The following EIF4G3 variants were observed in gnomAD, a reference collection of about 807,000 sequenced individuals.
EIF4G3 encodes the protein eukaryotic translation initiation factor 4 gamma 3.
A neutral mutation model predicts 186.4 loss-of-function variants in EIF4G3; 34 were observed. The ratio of observed to expected loss-of-function variants is 0.18; its 90% CI spans 0.14 to 0.24. The LOEUF is 0.24. EIF4G3 is among the 10% of genes least tolerant of loss of function. The pLI is 1.00. For missense variants in EIF4G3, 1,536 were observed against 1,948.5 expected, an observed-to-expected ratio of 0.79 and a Z score of 3.99; for synonymous variants, 673 against 679.5, an observed-to-expected ratio of 0.99 and a Z score of 0.15.
At chr1:21,082,866 G>A (rs560078297) in intron 3 of EIF4G3, among the ~76,000 whole-genome samples, 3 of 151,154 alleles carry the variant, frequency 2.0e-5, no homozygotes, top group East Asian at 2.0e-4. Flanking sequence ...GTGAAACCCC[G>A]TTTCTACTAA....
intron 2 of EIF4G3, among the ~76,000 whole-genome samples, chr1:21,106,285 A>C (rs2096616357): frequency 6.6e-6 from 1 of 152,084 alleles, no homozygotes; most frequent in African/African-American, 2.4e-5. Context: ...AAACCTGAGA[A>C]GGGTAAGAGA....
At position 20,943,212 on chromosome 1, in the gene EIF4G3, CAATT is replaced by C. The variant is rs553903294; in HGVS notation, c.824-886_824-883del. 3.4e-3 allele frequency among the ~76,000 whole-genome samples: 509 copies of C among 151,714 alleles called. 1 individual carries two copies. The highest frequency in any genetic ancestry group is 0.012 in the African/African-American group (490 of 41,384). ...ATATCTTGTGTCTTTACATGTAAAA[CAATT>C]AAGGAGAAAACAAAGTTAATACACG... On this transcript the variant is annotated intron_variant, in intron 13 of 36. Transcript: ENST00000602326.
At chr1:20,825,893 A>T (rs2063488282) in intron 32 of EIF4G3, among the ~76,000 whole-genome samples, 2 of 152,222 alleles carry the variant, frequency 1.3e-5, no homozygotes, top group African/African-American at 2.4e-5. Context: ...GTTGTCAGGT[A>T]GAAAAAAGTG....
chr1:20,877,129 A>G (rs907612213), intron 20 of EIF4G3, among the ~76,000 whole-genome samples: 3 of 152,216 alleles, frequency 2.0e-5, no homozygotes, highest in African/African-American at 4.8e-5. Context: ...TCACTCCTCC[A>G]TTAAACTACC....
At chr1:20,934,080 T>TA (rs1283194875) in intron 14 of EIF4G3, among the ~76,000 whole-genome samples, 6 of 152,236 alleles carry the variant, frequency 3.9e-5, no homozygotes, top group Middle Eastern at 3.4e-3. Context: ...GAATGCTAGC[T>TA]AACAAGGGTG....
At chr1:20,877,048 T>C (rs1017252198) in intron 20 of EIF4G3, among the ~76,000 whole-genome samples, 2 of 152,230 alleles carry the variant, frequency 1.3e-5, no homozygotes, top group African/African-American at 4.8e-5. Context: ...GTGGCTTGTC[T>C]ATAATTTCTT....
chr1:21,009,460 G>A (rs1057135803), intron 4 of EIF4G3, among the ~76,000 whole-genome samples: 1 of 151,148 alleles, frequency 6.6e-6, no homozygotes, highest in East Asian at 2.0e-4. Context: ...GGATTATAGG[G>A]GTGAGCCACC....
At chr1:20,938,806 C>G (rs575711920) in intron 14 of EIF4G3, among the ~76,000 whole-genome samples, 2 of 152,220 alleles carry the variant, frequency 1.3e-5, no homozygotes, top group Admixed American at 1.3e-4. Context: ...GCTTCTGAGG[C>G]TTTATAATTT....
At chr1:21,050,134 G>C (rs1334686170) in intron 4 of EIF4G3, among the ~76,000 whole-genome samples, 1 of 152,162 alleles carries the variant, frequency 6.6e-6, no homozygotes, top group Admixed American at 6.5e-5. Context: ...CACACAGTTA[G>C]ATCAACGTTA....
intron 2 of EIF4G3, among the ~76,000 whole-genome samples, chr1:21,160,192 T>C (rs2097739179): frequency 6.6e-6 from 1 of 151,018 alleles, no homozygotes; most frequent in African/African-American, 2.4e-5. Context: ...GCTAGAACAA[T>C]CTGAGTAAGA....
At chr1:21,174,849 T>C (rs1573833818) in intron 2 of EIF4G3, 1 of 152,306 alleles carries the variant, frequency 6.6e-6, no homozygotes, top group East Asian at 1.9e-4. Flanking sequence ...ATCTTTACAC[T>C]GCACCGCGGT....
intron 2 of EIF4G3, among the ~76,000 whole-genome samples, chr1:21,120,646 T>C (rs1295374040): frequency 6.7e-6 from 1 of 149,406 alleles, no homozygotes; most frequent in Non-Finnish European, 1.5e-5. Context: ...AAATCTAACA[T>C]ACTATTATAC....
chr1:21,144,161 CA>C (rs1476833176), intron 2 of EIF4G3, among the ~76,000 whole-genome samples: 4 of 152,150 alleles, frequency 2.6e-5, no homozygotes, highest in Admixed American at 2.6e-4. Flanking sequence ...AATAGAGCTC[CA>C]AAAATTAATT....
At chr1:20,894,782 CT>C (rs1196944631) in intron 17 of EIF4G3, among the ~76,000 whole-genome samples, 1 of 152,124 alleles carries the variant, frequency 6.6e-6, no homozygotes, top group Non-Finnish European at 1.5e-5. Context: ...GACTTTACTC[CT>C]TTTAATTTAG....
chr1:20,894,249 T>C (rs2087129960), intron 17 of EIF4G3, among the ~76,000 whole-genome samples: 1 of 152,138 alleles, frequency 6.6e-6, no homozygotes, highest in African/African-American at 2.4e-5. Flanking sequence ...ATCAACTAAT[T>C]AGTGGCCAAA....
chr1:20,988,429 G>A (rs1260687158), intron 7 of EIF4G3: 3 of 168,622 alleles, frequency 1.8e-5, no homozygotes, highest in Non-Finnish European at 4.4e-5. Flanking sequence ...TCAACAGGCT[G>A]ACTCTACTGT....
chr1:21,150,539 G>C (rs1394503136), intron 2 of EIF4G3, among the ~76,000 whole-genome samples: 3 of 152,162 alleles, frequency 2.0e-5, no homozygotes, highest in African/African-American at 7.2e-5. Flanking sequence ...CTTGATTCCT[G>C]TGGAAAATCT....
intron 14 of EIF4G3, among the ~76,000 whole-genome samples, chr1:20,906,287 CTT>C (rs566315178): frequency 4.0e-3 from 606 of 152,276 alleles, no homozygotes; most frequent in Non-Finnish European, 5.7e-3. Context: ...GCAGTTGTCT[CTT>C]TGCATTTTTT....
intron 10 of EIF4G3, among the ~76,000 whole-genome samples, chr1:20,978,552 AG>A (rs1311546596): frequency 6.6e-6 from 1 of 152,152 alleles, no homozygotes; most frequent in Non-Finnish European, 1.5e-5. Flanking sequence ...CATTCTGAAT[AG>A]CATGATAAAA....
Sources: gnomAD v4.1 joint callset for allele counts (sites outside exome capture counted in the v4.1 genomes callset) on GRCh38, gnomAD v4.1.1 for gene constraint, MANE v1.5 for transcripts, NCBI Gene and HGNC (gene_info 2026-07-23, HGNC 2026-07-21) for gene names.